The following DTNA variants were observed in gnomAD, a reference collection of about 807,000 sequenced individuals.
DTNA encodes the protein dystrophin-related protein 3.
Under a neutral mutation model 100.7 loss-of-function variants are expected in DTNA, and 43 were observed. The ratio of observed to expected loss-of-function variants is 0.43; its 90% CI spans 0.33 to 0.55. The LOEUF is 0.55. Among genes scored for constraint, DTNA ranks in the 20% least tolerant of loss-of-function variants. The pLI is 0.04. For synonymous variants in DTNA, 349 were observed against 347.9 expected, an observed-to-expected ratio of 1.00 and a Z score of -0.04; for missense variants, 798 against 953.9, an observed-to-expected ratio of 0.84 and a Z score of 2.15.
At chr18:34,870,800 T>C (rs2096757849) in intron 17 of DTNA, among the ~76,000 whole-genome samples, 1 of 152,134 alleles carries the variant, frequency 6.6e-6, no homozygotes, top group African/African-American at 2.4e-5. Flanking sequence ...GTTGCTCTGC[T>C]CTTCTCTTCT....
At chr18:34,706,567 A>G (rs537289836), upstream of DTNA, among the ~76,000 whole-genome samples, 2 of 152,314 alleles carry the variant, frequency 1.3e-5, 1 homozygote, top group South Asian at 4.1e-4. Flanking sequence ...AAAATGATTC[A>G]GAGTTCACAA....
intron 17 of DTNA, among the ~76,000 whole-genome samples, chr18:34,869,629 G>A (rs2150243262): frequency 6.6e-6 from 1 of 152,324 alleles, no homozygotes; most frequent in East Asian, 1.9e-4. Context: ...TGTTCTATAT[G>A]AGTGCAATGA....
At chr18:34,768,383 G>C (rs1375786974) in intron 3 of DTNA, among the ~76,000 whole-genome samples, 1 of 152,154 alleles carries the variant, frequency 6.6e-6, no homozygotes, top group Non-Finnish European at 1.5e-5. Flanking sequence ...GAAGGGCTCA[G>C]GGAATCAGGG....
At chr18:34,863,032 G>A (rs1445514704) in intron 16 of DTNA, among the ~76,000 whole-genome samples, 4 of 152,122 alleles carry the variant, frequency 2.6e-5, no homozygotes, top group Non-Finnish European at 5.9e-5. Flanking sequence ...TGCAGTTTTA[G>A]TATGTAAGTA....
chr18:34,551,269 C>T (rs956610561), intron 1 of DTNA, among the ~76,000 whole-genome samples: 1 of 152,134 alleles, frequency 6.6e-6, no homozygotes, highest in African/African-American at 2.4e-5. Context: ...TTTCTCTTCA[C>T]CCTACCCATG....
chr18:34,559,630 A>G (rs974629451), intron 1 of DTNA, among the ~76,000 whole-genome samples: 1 of 152,202 alleles, frequency 6.6e-6, no homozygotes, highest in Non-Finnish European at 1.5e-5. Flanking sequence ...GGCTCATATA[A>G]TGAAGAGCTT....
intron 1 of DTNA, among the ~76,000 whole-genome samples, chr18:34,635,628 T>G (rs549572141): frequency 1.3e-5 from 2 of 152,322 alleles, no homozygotes; most frequent in African/African-American, 4.8e-5. Flanking sequence ...CATTGATCAT[T>G]TGGAGGATAT....
chr18:34,561,346 A>G (rs1474146833), intron 1 of DTNA, among the ~76,000 whole-genome samples: 1 of 152,328 alleles, frequency 6.6e-6, no homozygotes, highest in African/African-American at 2.4e-5. Flanking sequence ...AGAACTTCTC[A>G]GTACTGAAAT....
At chr18:34,531,297 C>G (rs1271499849) in intron 1 of DTNA, among the ~76,000 whole-genome samples, 1 of 152,124 alleles carries the variant, frequency 6.6e-6, no homozygotes, top group Non-Finnish European at 1.5e-5. Context: ...TTTCGAATCT[C>G]TCTTTCACTA....
intron 2 of DTNA, 150 bp downstream of exon 2, chr18:34,756,193 T>G: frequency 1.2e-6 from 1 of 832,108 alleles, no homozygotes; most frequent in Non-Finnish European, 1.9e-6. Flanking sequence ...CTTTTTTACT[T>G]CTTACTTGGC....
chr18:34,629,150 G>A (rs1399020840), intron 1 of DTNA, among the ~76,000 whole-genome samples: 3 of 151,972 alleles, frequency 2.0e-5, no homozygotes, highest in Non-Finnish European at 2.9e-5. Context: ...TATTAATAAA[G>A]AACAATCCTC....
At position 34,765,898 on chromosome 18, in the gene DTNA, A is replaced by G. The variant is rs2093440952; in HGVS notation, c.68-63A>G. 3.9e-6 allele frequency: 6 copies of G among 1,522,838 alleles called. No individual in the cohort carries two copies. In the Admixed American group the frequency reaches 1.0e-4, roughly 26 times the overall value. 94.3% of individuals were successfully genotyped at this position (1,522,838 alleles called of 1,614,324 possible). Reference sequence around the variant, plus strand: ...TCATATCTACAGTTGTTTTATTTGTAAACATTGTAAATTTCTTTCTGCACA... The same window carrying G: ...TCATATCTACAGTTGTTTTATTTGTGAACATTGTAAATTTCTTTCTGCACA... On this transcript the variant is annotated intron_variant, in intron 2 of 22. Transcript: ENST00000444659.
At chr18:34,863,945 T>C in intron 16 of DTNA, 21 bp from the exon 17 acceptor site, 1 of 1,598,388 alleles carries the variant, frequency 6.3e-7, no homozygotes, top group Non-Finnish European at 8.5e-7. Context: ...CCGCTTCTGA[T>C]GTCAGCTGCT....
At chr18:34,673,168 C>T (rs1171470444) in intron 1 of DTNA, among the ~76,000 whole-genome samples, 1 of 152,126 alleles carries the variant, frequency 6.6e-6, no homozygotes, top group African/African-American at 2.4e-5. Context: ...CTCACTGTAA[C>T]CTCCGCCTGC....
chr18:34,589,759 TATATCTTC>T (rs560202110), intron 1 of DTNA, among the ~76,000 whole-genome samples: 135 of 152,348 alleles, frequency 8.9e-4, no homozygotes, highest in Admixed American at 2.5e-3. Flanking sequence ...CCTTTTGATC[TATATCTTC>T]CCATTTCTGC....
chr18:34,608,218 C>G (rs2053524193), intron 1 of DTNA, among the ~76,000 whole-genome samples: 2 of 152,262 alleles, frequency 1.3e-5, no homozygotes, highest in South Asian at 4.1e-4. Context: ...CTTATGTGCC[C>G]AAGCCTACAT....
At chr18:34,743,138 A>G (rs969263026) in intron 1 of DTNA, among the ~76,000 whole-genome samples, 1 of 152,196 alleles carries the variant, frequency 6.6e-6, no homozygotes, top group Non-Finnish European at 1.5e-5. Context: ...GAGGCAAGAA[A>G]TAAGGGCTGC....
chr18:34,614,881 G>A (rs1007503169), intron 1 of DTNA, among the ~76,000 whole-genome samples: 4 of 152,136 alleles, frequency 2.6e-5, no homozygotes, highest in Admixed American at 1.3e-4. Flanking sequence ...GAGAGGATTC[G>A]CTCCAATTTT....
intron 11 of DTNA, among the ~76,000 whole-genome samples, chr18:34,835,393 T>C (rs2096118173): frequency 6.6e-6 from 1 of 152,170 alleles, no homozygotes; most frequent in African/African-American, 2.4e-5. Context: ...AAACCAACAC[T>C]GGCAAGGGCC....
Sources: gnomAD v4.1 joint callset for allele counts (sites outside exome capture counted in the v4.1 genomes callset) on GRCh38, gnomAD v4.1.1 for gene constraint, MANE v1.5 for transcripts, NCBI Gene and HGNC (gene_info 2026-07-23, HGNC 2026-07-21) for gene names.